Variants in KCNMB2 observed in about 807,000 individuals in gnomAD.
KCNMB2 encodes potassium calcium-activated channel subfamily M regulatory beta subunit 2.
In KCNMB2, 9 loss-of-function variants were observed where a neutral mutation model predicts 24.5. That is an observed-to-expected ratio of 0.37 (90% confidence interval 0.22 to 0.64). The LOEUF (loss-of-function observed/expected upper bound fraction) is 0.64. Among genes scored for constraint, KCNMB2 ranks in the 30% least tolerant of loss-of-function variants. The probability of loss-of-function intolerance (pLI) is 0.63; values close to 1 mark genes in which losing one functional copy is unlikely to be tolerated. For synonymous variants in KCNMB2, 109 were observed against 104.4 expected, an observed-to-expected ratio of 1.04 and a Z score of -0.27; for missense variants, 226 against 284.3, an observed-to-expected ratio of 0.79 and a Z score of 1.47.
chr3:178,688,356 A>G (rs1279844218), intron 1 of KCNMB2, among the ~76,000 whole-genome samples: 1 of 152,170 alleles, frequency 6.6e-6, no homozygotes, highest in Non-Finnish European at 1.5e-5. Flanking sequence ...TTGTCATCAA[A>G]TCTTATTGAT....
intron 1 of KCNMB2, among the ~76,000 whole-genome samples, chr3:178,608,707 T>C (rs1392499013): frequency 6.6e-6 from 1 of 152,140 alleles, no homozygotes; most frequent in African/African-American, 2.4e-5. Context: ...ACTCTTCTAC[T>C]CTCTGGGTCC....
intron 1 of KCNMB2, among the ~76,000 whole-genome samples, chr3:178,637,136 T>G (rs1438488685): frequency 6.6e-6 from 1 of 152,194 alleles, no homozygotes; most frequent in African/African-American, 2.4e-5. Flanking sequence ...CCATGCCTTT[T>G]CTATTGTGTA....
chr3:178,570,368 G>C (rs1241829912), intron 1 of KCNMB2, among the ~76,000 whole-genome samples: 2 of 151,946 alleles, frequency 1.3e-5, no homozygotes, highest in Admixed American at 1.3e-4. Flanking sequence ...TTTAGTCTGA[G>C]AAATTAGGAG....
At position 178,754,671 on chromosome 3, in the gene KCNMB2, T is replaced by C. The variant is rs546736796; in HGVS notation, c.-67-52672T>C. Among the ~76,000 whole-genome samples the C allele has an allele frequency of 2.6e-4, 39 of 152,252 alleles. No individual in the cohort carries two copies. In the South Asian group the frequency reaches 7.7e-3, roughly 30 times the overall value. On this transcript the variant is annotated intron_variant, in intron 1 of 4. Coordinates refer to ENST00000452583, the MANE Select transcript of KCNMB2 (RefSeq NM_181361.3). ...CCCCACAACAGGGGAGGTAGGTAGA[T>C]CACATTCTCTAATCTGACGTTTATA...
At chr3:178,726,284 A>G (rs542016749) in intron 1 of KCNMB2, among the ~76,000 whole-genome samples, 5 of 152,054 alleles carry the variant, frequency 3.3e-5, no homozygotes, top group African/African-American at 1.2e-4. Context: ...TCATATGACA[A>G]TGCCCTAACT....
chr3:178,638,416 T>C (rs1020642648), intron 1 of KCNMB2, among the ~76,000 whole-genome samples: 3 of 152,146 alleles, frequency 2.0e-5, no homozygotes, highest in African/African-American at 7.2e-5. Flanking sequence ...TAGATTGCTT[T>C]CCCCATTATC....
At chr3:178,776,547 A>T (rs983895425) in intron 1 of KCNMB2, among the ~76,000 whole-genome samples, 33 of 152,172 alleles carry the variant, frequency 2.2e-4, no homozygotes, top group Non-Finnish European at 4.7e-4. Flanking sequence ...TCAAATTTTT[A>T]AAAAATAATT....
At chr3:178,784,585 A>AT (rs1025872077) in intron 1 of KCNMB2, among the ~76,000 whole-genome samples, 4 of 152,200 alleles carry the variant, frequency 2.6e-5, no homozygotes, top group African/African-American at 4.8e-5. Flanking sequence ...GAAAGCATAG[A>AT]TTTTTTTAAA....
chr3:178,643,758 T>C (rs935603848), intron 1 of KCNMB2, among the ~76,000 whole-genome samples: 4 of 152,156 alleles, frequency 2.6e-5, no homozygotes, highest in Non-Finnish European at 4.4e-5. Context: ...CTGTTGTTTC[T>C]AGGTACTTTC....
intron 1 of KCNMB2, among the ~76,000 whole-genome samples, chr3:178,699,035 G>C (rs978425379): frequency 6.6e-6 from 1 of 152,224 alleles, no homozygotes. Flanking sequence ...GCAGACGCAG[G>C]GCTGCCTGCC....
intron 1 of KCNMB2, among the ~76,000 whole-genome samples, chr3:178,762,901 G>A (rs1711967548): frequency 1.3e-5 from 2 of 151,382 alleles, no homozygotes; most frequent in Non-Finnish European, 1.5e-5. Context: ...TCAGAGTCCT[G>A]TTGGGAAGTG....
In KCNMB2 at chr3:178,794,401, T is replaced by TAA. The variant is rs34358884; in HGVS notation, c.-67-12934_-67-12933dup. ...CACAGTATTCACAACAAGCACCATC[T>TAA]AAAAAAAAAGGCTTACATCCATGAG... On this transcript the variant is annotated intron_variant, in intron 1 of 4. Coordinates refer to ENST00000452583, the MANE Select transcript of KCNMB2 (RefSeq NM_181361.3). 2.0e-5 allele frequency among the ~76,000 whole-genome samples: 3 copies of TAA among 150,720 alleles called. No individual in the cohort carries two copies. The South Asian group carries it at 6.3e-4, about 31-fold the overall frequency.
chr3:178,636,896 C>T (rs1163786076), intron 1 of KCNMB2, among the ~76,000 whole-genome samples: 1 of 152,212 alleles, frequency 6.6e-6, no homozygotes, highest in East Asian at 1.9e-4. Flanking sequence ...GTTGTTCCCC[C>T]ATGTGTCCAC....
chr3:178,597,700 G>A (rs1717926469), intron 1 of KCNMB2, among the ~76,000 whole-genome samples: 1 of 152,122 alleles, frequency 6.6e-6, no homozygotes, highest in African/African-American at 2.4e-5. Context: ...GTATCACAAT[G>A]TCAGTAATTT....
At chr3:178,564,210 G>A (rs1040207597) in intron 1 of KCNMB2, among the ~76,000 whole-genome samples, 16 of 152,046 alleles carry the variant, frequency 1.1e-4, no homozygotes, top group East Asian at 9.6e-4. Context: ...CCCGGGAGGC[G>A]GAGGTTGCAG....
At chr3:178,721,559 A>G (rs766612205) in intron 1 of KCNMB2, among the ~76,000 whole-genome samples, 41 of 152,320 alleles carry the variant, frequency 2.7e-4, no homozygotes, top group Non-Finnish European at 4.1e-4. Flanking sequence ...GGTATGTAAC[A>G]TAAGTTTTTA....
chr3:178,743,160 A>G (rs1723551141), intron 1 of KCNMB2, among the ~76,000 whole-genome samples: 1 of 152,168 alleles, frequency 6.6e-6, no homozygotes, highest in African/African-American at 2.4e-5. Context: ...CTGTGACCAT[A>G]TCATGTAACA....
chr3:178,796,733 T>C (rs1560025348), intron 1 of KCNMB2, among the ~76,000 whole-genome samples: 1 of 152,042 alleles, frequency 6.6e-6, no homozygotes, highest in Non-Finnish European at 1.5e-5. Flanking sequence ...GCAAAACCTA[T>C]GGGATACAGT....
chr3:178,672,649 C>T (rs1161133393), intron 1 of KCNMB2, among the ~76,000 whole-genome samples: 1 of 152,218 alleles, frequency 6.6e-6, no homozygotes, highest in Non-Finnish European at 1.5e-5. Flanking sequence ...TGACTTCATA[C>T]ACCCACAGAG....
Sources: gnomAD v4.1 joint callset for allele counts (sites outside exome capture counted in the v4.1 genomes callset) on GRCh38, gnomAD v4.1.1 for gene constraint, MANE v1.5 for transcripts, NCBI Gene and HGNC (gene_info 2026-07-23, HGNC 2026-07-21) for gene names.